Variants in CDH4 observed in about 807,000 individuals in gnomAD.
CDH4 encodes cadherin-4.
In CDH4, 33 loss-of-function variants were observed where a neutral mutation model predicts 86.0. The observed-to-expected ratio is 0.38, with a 90% CI of 0.29 to 0.51. CDH4 has a LOEUF of 0.51. CDH4 is among the 20% of genes least tolerant of loss of function. CDH4 has a pLI of 0.86. For missense variants in CDH4, 1,114 were observed against 1,307.4 expected (o/e 0.85, Z 2.28); for synonymous variants, 555 against 549.4 (o/e 1.01, Z -0.14).
chr20:61,763,081 G>C (rs952020483), intron 3 of CDH4, among the ~76,000 whole-genome samples: 1 of 152,238 alleles, frequency 6.6e-6, no homozygotes, highest in Non-Finnish European at 1.5e-5. Flanking sequence ...CTGGCCGCTG[G>C]GCGGGATGAC....
At position 61,852,870 on chromosome 20, in the gene CDH4, C is replaced by T. The variant is rs139703524; in HGVS notation, c.849C>T (p.Asn283=). Residue 283 remains asparagine (N), a synonymous_variant, in exon 6 of 16, where the codon AAC becomes AAT. Transcript: ENST00000614565. The part of the protein sequence containing the change: ...NRPEFINQVY[N]GSVDEGSKPG... ...CTGAGTTCATCAACCAGGTCTACAA[C>T]GGCTCCGTGGACGAGGGCTCCAAGC... 8,761 of 1,613,958 alleles carry T rather than the reference C, an allele frequency of 5.4e-3. 33 individuals carry two copies. The highest frequency in any genetic ancestry group is 6.6e-3 in the Non-Finnish European group (7,831 of 1,179,912).
At chr20:61,539,525 G>A (rs1194943800) in intron 2 of CDH4, among the ~76,000 whole-genome samples, 2 of 152,154 alleles carry the variant, frequency 1.3e-5, no homozygotes, top group African/African-American at 4.8e-5. Context: ...CGCCAGCCAG[G>A]TTGGATTAGG....
At chr20:61,306,231 T>C (rs2084416474) in intron 2 of CDH4, among the ~76,000 whole-genome samples, 2 of 152,230 alleles carry the variant, frequency 1.3e-5, no homozygotes, top group Admixed American at 1.3e-4. Context: ...AGAAATTACC[T>C]CAGAATATTA....
intron 2 of CDH4, among the ~76,000 whole-genome samples, chr20:61,405,250 C>T (rs191644916): frequency 1.3e-4 from 19 of 151,664 alleles, no homozygotes; most frequent in Non-Finnish European, 5.9e-5. Context: ...TTTTCTCCCA[C>T]GCGCCGTTCT....
At chr20:61,913,386 G>A (rs575204889) in intron 9 of CDH4, among the ~76,000 whole-genome samples, 8 of 152,232 alleles carry the variant, frequency 5.3e-5, no homozygotes, top group Admixed American at 3.3e-4. Flanking sequence ...CTATCTGCGC[G>A]GAGCATCACA....
At position 61,923,164 on chromosome 20, in the gene CDH4, GCCCCC is replaced by G. The variant is rs576807414; in HGVS notation, c.1375-284_1375-280del. ...GAGGGGCCGCCCAGCGGGGGCTGCA[GCCCCC>G]CCAGGAGGAGCCCAGCTTCTGCCTC... is the stretch of plus-strand genomic sequence containing the variant. On this transcript the variant is annotated intron_variant, in intron 9 of 15. Transcript: ENST00000614565. 1.1e-4 allele frequency among the ~76,000 whole-genome samples: 17 copies of G among 152,304 alleles called. No individual in the cohort carries two copies. The East Asian group carries it at 2.3e-3, about 21-fold the overall frequency.
At chr20:61,331,723 G>GACCCACCTCCTGCCCCGGCC (rs2084581138) in intron 2 of CDH4, among the ~76,000 whole-genome samples, 3 of 45,846 alleles carry the variant, frequency 6.5e-5, no homozygotes, top group East Asian at 4.8e-4. Flanking sequence ...CCGACCACCT[G>GACCCACCTCCTGCCCCGGCC]ACAGAAATGA....
intron 2 of CDH4, among the ~76,000 whole-genome samples, chr20:61,680,191 C>T (rs1461930695): frequency 6.6e-6 from 1 of 152,226 alleles, no homozygotes; most frequent in Non-Finnish European, 1.5e-5. Context: ...ATAGCCCAGT[C>T]ACCACCCCCT....
At chr20:61,312,790 G>T (rs2084454396) in intron 2 of CDH4, among the ~76,000 whole-genome samples, 1 of 152,070 alleles carries the variant, frequency 6.6e-6, no homozygotes, top group Non-Finnish European at 1.5e-5. Context: ...CTCGAGCTCT[G>T]CCCCCTAGAG....
At position 61,503,879 on chromosome 20, in the gene CDH4, A is replaced by G. The variant is rs10211778; in HGVS notation, c.170-239684A>G. On this transcript the variant is annotated intron_variant, in intron 2 of 15. Transcript: ENST00000614565. ...TCTGAGGATTGGCATCTGTTCCCACAGCGTGAAGGTGTTTTTGCTGTCTGA... is the reference window on the plus strand; with the variant it reads ...TCTGAGGATTGGCATCTGTTCCCACGGCGTGAAGGTGTTTTTGCTGTCTGA... Among the ~76,000 whole-genome samples, 1,047 of 152,334 alleles carry G rather than the reference A, an allele frequency of 6.9e-3. 11 individuals carry two copies. Among genetic ancestry groups the G allele is most frequent in the African/African-American group, 0.024 (1,006 of 41,568 alleles).
chr20:61,592,325 G>A lies in CDH4; in HGVS notation c.170-151238G>A, dbSNP rs111912495. 9.8e-5 allele frequency among the ~76,000 whole-genome samples: 15 copies of A among 152,302 alleles called. 1 individual carries two copies. The highest frequency in any genetic ancestry group is 3.6e-4 in the African/African-American group (15 of 41,574). ...GTTTCTCCCATGGCCCCAGCATGGT[G>A]AGGCAGAGCAAGAGGAAAACTGGGC... On this transcript the variant is annotated intron_variant, in intron 2 of 15. Coordinates refer to ENST00000614565, the MANE Select transcript of CDH4 (RefSeq NM_001794.5).
At chr20:61,842,131 GTC>G (rs1982205589) in intron 4 of CDH4, among the ~76,000 whole-genome samples, 1 of 152,340 alleles carries the variant, frequency 6.6e-6, no homozygotes, top group South Asian at 2.1e-4. Flanking sequence ...CGTGCTTTGA[GTC>G]TCTCTGAAGG....
At chr20:61,841,202 G>T (rs1982150238) in intron 4 of CDH4, among the ~76,000 whole-genome samples, 1 of 152,202 alleles carries the variant, frequency 6.6e-6, no homozygotes, top group Admixed American at 6.5e-5. Context: ...TGCTCCCAGT[G>T]CCCTTCTCCT....
chr20:61,272,116 C>T (rs1381285258), intron 2 of CDH4, among the ~76,000 whole-genome samples: 1 of 152,130 alleles, frequency 6.6e-6, no homozygotes, highest in Non-Finnish European at 1.5e-5. Context: ...CATGCCAGGC[C>T]TCCTCCTCCT....
intron 2 of CDH4, among the ~76,000 whole-genome samples, chr20:61,304,034 G>A (rs888111652): frequency 6.6e-5 from 10 of 152,168 alleles, no homozygotes; most frequent in African/African-American, 1.2e-4. Context: ...CATTTCACAC[G>A]TTTTTCTGGG....
intron 5 of CDH4, among the ~76,000 whole-genome samples, chr20:61,852,544 C>T (rs984035768): frequency 3.3e-5 from 5 of 152,132 alleles, no homozygotes; most frequent in Admixed American, 6.5e-5. Context: ...CTCTGTGCGT[C>T]GCCCCACTCT....
intron 2 of CDH4, among the ~76,000 whole-genome samples, chr20:61,672,666 G>C (rs1343630041): frequency 6.6e-6 from 1 of 152,214 alleles, no homozygotes; most frequent in Non-Finnish European, 1.5e-5. Flanking sequence ...GGGGTGGACA[G>C]TGAGGCATCT....
At chr20:61,459,177 T>C (rs2085427984) in intron 2 of CDH4, among the ~76,000 whole-genome samples, 2 of 137,882 alleles carry the variant, frequency 1.5e-5, no homozygotes, top group Non-Finnish European at 3.3e-5. Flanking sequence ...TTAGCTTCTT[T>C]AGGGCTTGTG....
chr20:61,621,043 A>T (rs1399615430), intron 2 of CDH4, among the ~76,000 whole-genome samples: 3 of 152,224 alleles, frequency 2.0e-5, no homozygotes, highest in Non-Finnish European at 4.4e-5. Context: ...AAGCGTTGGC[A>T]TCTGTTTCTG....
Sources: gnomAD v4.1 joint callset for allele counts (sites outside exome capture counted in the v4.1 genomes callset) on GRCh38, gnomAD v4.1.1 for gene constraint, MANE v1.5 for transcripts, NCBI Gene and HGNC (gene_info 2026-07-23, HGNC 2026-07-21) for gene names.